Variants in UST observed in about 807,000 individuals in gnomAD.
UST encodes the protein chondroitin sulfate 2-O-sulfotransferase.
Under a neutral mutation model 45.6 loss-of-function variants are expected in UST, and 21 were observed. The observed-to-expected ratio is 0.46, with a 90% CI of 0.33 to 0.66. UST has a LOEUF of 0.66. Among genes scored for constraint, UST ranks in the 30% least tolerant of loss-of-function variants. The probability of loss-of-function intolerance (pLI) is 0.02; values close to 1 mark genes in which losing one functional copy is unlikely to be tolerated. For synonymous variants in UST, 215 were observed against 200.6 expected, an observed-to-expected ratio of 1.07 and a Z score of -0.61; for missense variants, 463 against 512.4, an observed-to-expected ratio of 0.90 and a Z score of 0.93.
chr6:148,830,480 G>T (rs933747928), intron 1 of UST, among the ~76,000 whole-genome samples: 1 of 152,260 alleles, frequency 6.6e-6, no homozygotes, highest in East Asian at 1.9e-4. Flanking sequence ...CCTTTCGGGA[G>T]CACTCACCCA....
At chr6:148,874,058 C>T (rs1778606342) in intron 1 of UST, among the ~76,000 whole-genome samples, 1 of 152,210 alleles carries the variant, frequency 6.6e-6, no homozygotes, top group Non-Finnish European at 1.5e-5. Flanking sequence ...GCTGGGGCTG[C>T]TGCGTTAGCA....
intron 5 of UST, chr6:148,990,310 A>C: frequency 8.8e-6 from 7 of 795,710 alleles, no homozygotes; most frequent in Non-Finnish European, 1.1e-5. Flanking sequence ...TTATAATAGA[A>C]GTATTTGAAG....
intron 7 of UST, among the ~76,000 whole-genome samples, chr6:149,040,827 C>T (rs922269177): frequency 6.6e-6 from 1 of 152,234 alleles, no homozygotes. Flanking sequence ...GGTAAAGACT[C>T]CCAAGGCCTC....
rs533142527 is a variant in UST, at chr6:148,837,512, G to T, written c.248-49474G>T. Among the ~76,000 whole-genome samples, 320 of 152,310 alleles carry T rather than the reference G, an allele frequency of 2.1e-3. 1 individual carries two copies. The highest frequency in any genetic ancestry group is 7.2e-3 in the African/African-American group (299 of 41,564). On this transcript the variant is annotated intron_variant, in intron 1 of 7. Coordinates refer to ENST00000367463, the MANE Select transcript of UST (RefSeq NM_005715.3). ...AGTTCCTTCACTTGGAATCCCAAGGGGTGGGAAGGAAAGACTCTTTCTAAC... is the reference window on the plus strand; with the variant it reads ...AGTTCCTTCACTTGGAATCCCAAGGTGTGGGAAGGAAAGACTCTTTCTAAC...
At chr6:148,765,703 G>T (rs1776308330) in intron 1 of UST, among the ~76,000 whole-genome samples, 1 of 152,182 alleles carries the variant, frequency 6.6e-6, no homozygotes, top group South Asian at 2.1e-4. Flanking sequence ...CACAATTTAT[G>T]TTCAGAGATT....
chr6:149,024,469 T>C (rs1776022051), intron 7 of UST, among the ~76,000 whole-genome samples: 1 of 152,204 alleles, frequency 6.6e-6, no homozygotes, highest in African/African-American at 2.4e-5. Flanking sequence ...GTTTCTATGG[T>C]AACATTGAAG....
intron 2 of UST, among the ~76,000 whole-genome samples, chr6:148,888,528 G>T (rs1778952761): frequency 6.6e-6 from 1 of 152,180 alleles, no homozygotes; most frequent in Non-Finnish European, 1.5e-5. Flanking sequence ...AATATTTTGA[G>T]CCTCAGTTTC....
At chr6:149,049,927 TCTCTCACA>T (rs1286260241) in intron 7 of UST, among the ~76,000 whole-genome samples, 3 of 130,538 alleles carry the variant, frequency 2.3e-5, no homozygotes, top group African/African-American at 9.4e-5. Flanking sequence ...TCTCTCTCTC[TCTCTCACA>T]CACACACACA....
At chr6:149,049,858 A>G (rs1293110993) in intron 7 of UST, among the ~76,000 whole-genome samples, 10 of 151,360 alleles carry the variant, frequency 6.6e-5, no homozygotes, top group Non-Finnish European at 4.4e-5. Flanking sequence ...TTTGGATTTC[A>G]TCAGTTCACC....
intron 1 of UST, among the ~76,000 whole-genome samples, chr6:148,872,273 C>G (rs1211392468): frequency 6.6e-6 from 1 of 152,124 alleles, no homozygotes; most frequent in Non-Finnish European, 1.5e-5. Flanking sequence ...TTTGATGGTA[C>G]ACTGAAGTAA....
chr6:148,960,109 C>T (rs1401101917), intron 4 of UST, among the ~76,000 whole-genome samples: 3 of 151,858 alleles, frequency 2.0e-5, no homozygotes, highest in Non-Finnish European at 2.9e-5. Context: ...GCCAACACGG[C>T]GAAACCCCAT....
chr6:148,822,757 A>G (rs1458774741), intron 1 of UST, among the ~76,000 whole-genome samples: 1 of 152,252 alleles, frequency 6.6e-6, no homozygotes, highest in African/African-American at 2.4e-5. Context: ...ATAGTTAATA[A>G]GGATAAAACG....
chr6:148,985,153 C>G (rs1781216931), intron 5 of UST, among the ~76,000 whole-genome samples: 1 of 152,094 alleles, frequency 6.6e-6, no homozygotes, highest in Non-Finnish European at 1.5e-5. Flanking sequence ...ACCCAGCAGG[C>G]AGAAAAGTGG....
Position 148,748,399 on chromosome 6 carries a change from TTGTGTGTGTGTGTGTGTGTGTGTGTG to T in UST, c.247+751_247+776del, listed in dbSNP as rs34342100. Among the ~76,000 whole-genome samples, 19 of 127,616 alleles carry T rather than the reference TTGTGTGTGTGTGTGTGTGTGTGTGTG, an allele frequency of 1.5e-4. No individual in the cohort carries two copies. Among genetic ancestry groups the T allele is most frequent in the South Asian group, 8.7e-4 (3 of 3,460 alleles). 83.7% of individuals were successfully genotyped at this position (127,616 alleles called of 152,430 possible). On this transcript the variant is annotated intron_variant, in intron 1 of 7. Coordinates refer to ENST00000367463, the MANE Select transcript of UST (RefSeq NM_005715.3). This position sits in a 1 kb window ranked among gnomAD's most constrained non-coding sequence, Gnocchi z 5.3. ...GTGCGTCTCAAGCTCAAGTCAAAACTTGTGTGTGTGTGTGTGTGTGTGTGTGTGTGTGTGTGTGTGTGTGTGTGTGT... is the reference window on the plus strand; with the variant it reads ...GTGCGTCTCAAGCTCAAGTCAAAACTTGTGTGTGTGTGTGTGTGTGTGTGT...
rs145354165 is a variant in UST, at chr6:148,941,382, A to G, written c.395A>G (p.Asn132Ser). 73 of 1,611,950 alleles carry G rather than the reference A, an allele frequency of 4.5e-5. No individual in the cohort carries two copies. Among genetic ancestry groups the G allele is most frequent in the Non-Finnish European group, 6.2e-5 (73 of 1,179,562 alleles). The change falls in exon 3 of 8, where the codon AAT becomes AGT. Residue 132 changes from asparagine (N) to serine (S), a missense_variant. Coordinates refer to ENST00000367463, the MANE Select transcript of UST (RefSeq NM_005715.3). ...LRILSEKHGF[N>S]LVTSDIHNKT... The stretch of plus-strand genomic sequence containing the variant: ...ATCTTGTCGGAGAAGCACGGATTTA[A>G]TTTGGTCACATCAGACATTCACAAC...
intron 1 of UST, among the ~76,000 whole-genome samples, chr6:148,778,262 C>A (rs1384842060): frequency 2.0e-5 from 3 of 152,108 alleles, no homozygotes; most frequent in Non-Finnish European, 4.4e-5. Context: ...AAATTTTTTT[C>A]CAAGGCCACT....
chr6:148,894,539 G>T (rs532270793), intron 2 of UST, among the ~76,000 whole-genome samples: 28 of 152,236 alleles, frequency 1.8e-4, no homozygotes, highest in African/African-American at 5.8e-4. Flanking sequence ...CATGGAGCAG[G>T]TTCCCCCTCC....
chr6:148,880,834 C>T (rs1778810276), intron 1 of UST, among the ~76,000 whole-genome samples: 1 of 152,020 alleles, frequency 6.6e-6, no homozygotes, highest in Non-Finnish European at 1.5e-5. Context: ...TCGGGACCAT[C>T]CTGGCTAACA....
At chr6:148,979,504 A>T (rs902575421) in intron 5 of UST, among the ~76,000 whole-genome samples, 1 of 152,216 alleles carries the variant, frequency 6.6e-6, no homozygotes, top group Non-Finnish European at 1.5e-5. Flanking sequence ...AGTACTGGGA[A>T]GGTCTTTGAA....
Sources: gnomAD v4.1 joint callset for allele counts (sites outside exome capture counted in the v4.1 genomes callset) on GRCh38, gnomAD v4.1.1 for gene constraint, Gnocchi (gnomAD v3.1) non-coding constraint, MANE v1.5 for transcripts, NCBI Gene and HGNC (gene_info 2026-07-23, HGNC 2026-07-21) for gene names.